Variants in TMEM255B observed in about 807,000 individuals in gnomAD.
The protein encoded by TMEM255B is family with sequence similarity 70, member B.
TMEM255B carries 35 observed loss-of-function variants against 34.5 expected under a neutral mutation model. That is an observed-to-expected ratio of 1.01 (90% CI 0.77 to 1.34). The LOEUF (loss-of-function observed/expected upper bound fraction) is 1.34. Ranked by LOEUF, TMEM255B falls within the 40% of genes most tolerant of loss-of-function variation. The pLI is 0.00. For missense variants in TMEM255B, 432 were observed against 433.2 expected (o/e 1.00, Z 0.02); for synonymous variants, 206 against 201.2 (o/e 1.02, Z -0.20).
At chr13:113,797,041 G>T (rs867525633) in intron 4 of TMEM255B, among the ~76,000 whole-genome samples, 6 of 152,264 alleles carry the variant, frequency 3.9e-5, no homozygotes, top group Admixed American at 3.9e-4. Context: ...GCTTCCAGAC[G>T]GTGGTTTCCA....
At position 113,799,538 on chromosome 13, in the gene TMEM255B, C is replaced by G. The variant is rs375302575; in HGVS notation, c.423+119C>G. On this transcript the variant is annotated intron_variant, in intron 5 of 8. Transcript: ENST00000375353. ...TTTGATTCTAATAGTTCCTGGGGGT[C>G]ACCCCTGCAGCTGGTGAACCGTTGA... 9.5e-5 allele frequency: 88 copies of G among 929,778 alleles called. No homozygotes were observed. The African/African-American group carries it at 1.4e-3, about 15-fold the overall frequency. The allele number at this position is 929,778 out of a possible 1,614,324, so 57.6% of individuals were successfully genotyped here.
intron 5 of TMEM255B, chr13:113,800,094 G>GT (rs1022678417): frequency 1.7e-6 from 2 of 1,168,492 alleles, no homozygotes; most frequent in Non-Finnish European, 2.2e-6. Context: ...GTGTGTGTGT[G>GT]TGGGGGGGGG....
chr13:113,774,243 G>A (rs927799402), intron 3 of TMEM255B, among the ~76,000 whole-genome samples: 10 of 152,044 alleles, frequency 6.6e-5, no homozygotes, highest in Admixed American at 5.2e-4. Context: ...GAATGGCTTC[G>A]CCATTATCCC....
Position 113,799,667 on chromosome 13 carries a change from G to A in TMEM255B, c.423+248G>A, listed in dbSNP as rs755289755. 20 of 656,788 alleles carry A rather than the reference G, an allele frequency of 3.0e-5. 1 individual carries two copies. Among genetic ancestry groups the A allele is most frequent in the Non-Finnish European group, 3.4e-5 (12 of 354,362 alleles). The allele number at this position is 656,788 out of a possible 1,614,324, so 40.7% of individuals were successfully genotyped here. Reference sequence around the variant, plus strand: ...AAATCACAACAGTCTCAGAGTGCACGTGTCCAGTTCTGTATGGCTCTTCCA... The same window carrying A: ...AAATCACAACAGTCTCAGAGTGCACATGTCCAGTTCTGTATGGCTCTTCCA... On this transcript the variant is annotated intron_variant, in intron 5 of 8. Coordinates refer to ENST00000375353, the MANE Select transcript of TMEM255B (RefSeq NM_182614.4).
intron 3 of TMEM255B, among the ~76,000 whole-genome samples, chr13:113,776,847 C>T (rs1023400007): frequency 5.3e-5 from 8 of 152,148 alleles, no homozygotes; most frequent in Non-Finnish European, 1.0e-4. Context: ...AGCTCCTCCT[C>T]GTTCTGCAGC....
intron 5 of TMEM255B, 56 bp from the exon 6 acceptor site, chr13:113,800,771 G>T: frequency 1.3e-6 from 2 of 1,519,508 alleles, no homozygotes; most frequent in South Asian, 1.2e-5. Context: ...GCCCTTGGTG[G>T]GGTGGGTGAG....
chr13:113,798,549 A>G (rs1437633567), intron 4 of TMEM255B, among the ~76,000 whole-genome samples: 2 of 146,390 alleles, frequency 1.4e-5, no homozygotes, highest in South Asian at 2.2e-4. Flanking sequence ...GTGGATGGAT[A>G]GAAGGATGGA....
intron 4 of TMEM255B, among the ~76,000 whole-genome samples, chr13:113,796,079 A>G (rs1161946844): frequency 7.0e-6 from 1 of 143,130 alleles, no homozygotes; most frequent in Admixed American, 6.9e-5. Context: ...CACACACACA[A>G]CAGAGCACAC....
rs2051393061 is a variant in TMEM255B, at chr13:113,815,628, GCCGTGTAAGAAGTGCCTTTTGCCTCCCA to G, written c.*3731_*3758del. On this transcript the variant is annotated 3_prime_UTR_variant, in exon 9 of 9. Coordinates refer to ENST00000375353, the MANE Select transcript of TMEM255B (RefSeq NM_182614.4). ...TTCTTCCTCATTTTCTCTTGCTCCTGCCGTGTAAGAAGTGCCTTTTGCCTCCCACCGTGATTCTGAGGCCTCCCCAACC... is the reference window on the plus strand; with the variant it reads ...TTCTTCCTCATTTTCTCTTGCTCCTGCCGTGATTCTGAGGCCTCCCCAACC... 2 of 153,932 alleles carry G rather than the reference GCCGTGTAAGAAGTGCCTTTTGCCTCCCA, an allele frequency of 1.3e-5. No individual in the cohort carries two copies. The highest frequency in any genetic ancestry group is 4.8e-5 in the African/African-American group (2 of 41,462). The allele number at this position is 153,932 out of a possible 1,614,324, so 9.5% of individuals were successfully genotyped here. A position where few individuals can be genotyped will look rare whatever the true frequency, so the allele number is the denominator to read the frequency against.
chr13:113,761,328 C>G (rs1423629357), intron 1 of TMEM255B: 1 of 985,234 alleles, frequency 1.0e-6, no homozygotes, highest in Non-Finnish European at 1.2e-6. Context: ...ACCTGACCTC[C>G]AGCCTCGCGT....
chr13:113,774,582 ACCACAC>A, intron 3 of TMEM255B, among the ~76,000 whole-genome samples: 1 of 140,776 alleles, frequency 7.1e-6, no homozygotes, highest in Non-Finnish European at 1.5e-5. Context: ...TGACACACAC[ACCACAC>A]AACACACAAA....
chr13:113,808,211 A>C (rs538476442), intron 8 of TMEM255B, among the ~76,000 whole-genome samples: 3 of 151,996 alleles, frequency 2.0e-5, no homozygotes, highest in Non-Finnish European at 4.4e-5. Context: ...ACAGTGGGGG[A>C]TGGGGAACAG....
At chr13:113,808,549 GGTTTACTCCATGGTTCCTGGGGT>G (rs1371262222) in intron 8 of TMEM255B, among the ~76,000 whole-genome samples, 65 of 151,852 alleles carry the variant, frequency 4.3e-4, no homozygotes, top group African/African-American at 1.4e-3. Flanking sequence ...GGTCCTGGGG[GGTTTACTCCATGGTTCCTGGGGT>G]GTTTACTCCG....
chr13:113,780,314 A>T (rs553649644), intron 3 of TMEM255B, among the ~76,000 whole-genome samples: 1 of 152,220 alleles, frequency 6.6e-6, no homozygotes, highest in Admixed American at 6.5e-5. Context: ...AGTTTCTCCA[A>T]TTGTGTCCTG....
chr13:113,771,821 T>C (rs2050483316), intron 3 of TMEM255B, among the ~76,000 whole-genome samples: 1 of 152,252 alleles, frequency 6.6e-6, no homozygotes, highest in African/African-American at 2.4e-5. Flanking sequence ...CATTTGTACA[T>C]AGGTTTCTGT....
At chr13:113,803,452 G>C (rs1454963384) in intron 7 of TMEM255B, 1 of 148,342 alleles carries the variant, frequency 6.7e-6, no homozygotes, top group Non-Finnish European at 1.5e-5. Context: ...ACTTGTGATG[G>C]GTGCGTGGGA....
intron 3 of TMEM255B, among the ~76,000 whole-genome samples, chr13:113,784,470 G>A (rs138973368): frequency 0.01 from 1,552 of 152,100 alleles, 16 homozygotes; most frequent in African/African-American, 0.035. Flanking sequence ...GTTGGAATTG[G>A]CAAAGCGCCT....
intron 3 of TMEM255B, among the ~76,000 whole-genome samples, chr13:113,783,974 G>A (rs951893814): frequency 2.0e-5 from 3 of 152,174 alleles, no homozygotes; most frequent in Admixed American, 6.5e-5. Flanking sequence ...GTCATTTGCT[G>A]CTCCTGGTTA....
chr13:113,795,313 T>C (rs2050902790), intron 4 of TMEM255B, 76 bp downstream of exon 4: 4 of 1,468,858 alleles, frequency 2.7e-6, no homozygotes, highest in Non-Finnish European at 1.9e-6. Context: ...ACAATTTCAT[T>C]TTGCAGATCT....
Sources: gnomAD v4.1 joint callset for allele counts (sites outside exome capture counted in the v4.1 genomes callset) on GRCh38, gnomAD v4.1.1 for gene constraint, MANE v1.5 for transcripts, NCBI Gene and HGNC (gene_info 2026-07-23, HGNC 2026-07-21) for gene names.